The following MERTK variants were observed in gnomAD, a reference collection of about 807,000 sequenced individuals.
The protein encoded by MERTK is MER proto-oncogene, tyrosine kinase, also known as tyrosine-protein kinase Mer.
Under a neutral mutation model 99.3 loss-of-function variants are expected in MERTK, and 69 were observed. That is an observed-to-expected ratio of 0.70 (90% CI 0.57 to 0.85). The LOEUF (loss-of-function observed/expected upper bound fraction) is 0.85, where lower values mean the gene tolerates loss of function less well. Ranked by LOEUF, MERTK falls within the 40% of genes least tolerant of loss-of-function variation. The pLI is 0.00. For synonymous variants in MERTK, 426 were observed against 467.6 expected (o/e 0.91, Z 1.15); for missense variants, 1,125 against 1,249.4 (o/e 0.90, Z 1.50).
intron 8 of MERTK, among the ~76,000 whole-genome samples, chr2:111,989,886 A>G (rs1439003492): frequency 6.6e-6 from 1 of 152,250 alleles, no homozygotes; most frequent in Non-Finnish European, 1.5e-5. Flanking sequence ...TTTTATTACC[A>G]GGAAATGCTT....
intron 1 of MERTK, among the ~76,000 whole-genome samples, chr2:111,904,199 A>G (rs949214633): frequency 2.0e-4 from 31 of 152,180 alleles, no homozygotes; most frequent in African/African-American, 7.5e-4. Context: ...CAAACTTGAC[A>G]TAGTACAGGA....
chr2:112,023,840 G>A (rs1467029518), intron 18 of MERTK, among the ~76,000 whole-genome samples: 5 of 151,782 alleles, frequency 3.3e-5, no homozygotes, highest in Non-Finnish European at 7.4e-5. Context: ...GTCATGGAGT[G>A]CCATGCCTGG....
intron 4 of MERTK, among the ~76,000 whole-genome samples, chr2:111,962,557 G>A (rs1193449705): frequency 6.6e-6 from 1 of 152,050 alleles, no homozygotes; most frequent in Non-Finnish European, 1.5e-5. Context: ...AAAACACTGG[G>A]GATAATACAG....
chr2:111,946,641 C>T (rs1684966326), intron 3 of MERTK, among the ~76,000 whole-genome samples: 1 of 152,186 alleles, frequency 6.6e-6, no homozygotes, highest in South Asian at 2.1e-4. Context: ...TTCCTTATGA[C>T]CCATCTGAAA....
intron 1 of MERTK, among the ~76,000 whole-genome samples, chr2:111,925,483 A>C (rs1684546379): frequency 2.0e-5 from 3 of 150,834 alleles, no homozygotes; most frequent in Non-Finnish European, 4.4e-5. Context: ...TCGTATTTTT[A>C]GTAGAGACGG....
At chr2:112,008,524 C>T in intron 14 of MERTK, 49 bp downstream of exon 14, 1 of 1,376,710 alleles carries the variant, frequency 7.3e-7, no homozygotes, top group African/African-American at 1.4e-5. Flanking sequence ...CTCTGCTGAT[C>T]TGCTCTGTGC....
At chr2:111,905,977 A>G (rs982281351) in intron 1 of MERTK, among the ~76,000 whole-genome samples, 6 of 152,208 alleles carry the variant, frequency 3.9e-5, no homozygotes, top group African/African-American at 1.4e-4. Context: ...AAGAACATTT[A>G]TATTTGTGCT....
chr2:111,976,662 T>C (rs1676259611), intron 7 of MERTK, among the ~76,000 whole-genome samples: 1 of 152,028 alleles, frequency 6.6e-6, no homozygotes, highest in Admixed American at 6.5e-5. Flanking sequence ...TTCAAATGGA[T>C]AGGTTTAATT....
At chr2:111,978,607 C>T (rs967207517) in intron 7 of MERTK, among the ~76,000 whole-genome samples, 4 of 152,136 alleles carry the variant, frequency 2.6e-5, no homozygotes, top group Non-Finnish European at 4.4e-5. Flanking sequence ...CATGAGCCAC[C>T]GTGCCCAGCC....
At chr2:111,975,700 C>T (rs1676233053) in intron 7 of MERTK, among the ~76,000 whole-genome samples, 2 of 152,188 alleles carry the variant, frequency 1.3e-5, no homozygotes, top group Non-Finnish European at 2.9e-5. Flanking sequence ...TTTTCTTTTA[C>T]ATAGGAGATA....
Position 112,022,325 on chromosome 2 carries a change from A to C in MERTK, c.2417A>C (p.Asn806Thr). The change falls in exon 18 of 19, where the codon AAC becomes ACC. Residue 806 changes from asparagine (N) to threonine (T), a missense_variant. By Grantham distance (65) the Asn-to-Thr change is moderately conservative. Transcript: ENST00000295408. ...ATGACTCCCTATCCTGGGGTCCAGA[A>C]CCATGAGATGTATGACTATCTTCTC... ...RGMTPYPGVQ[N>T]HEMYDYLLHG... is the part of the protein sequence containing the mutation. The C allele has an allele frequency of 6.2e-7, 1 of 1,614,226 alleles. No homozygotes were observed.
intron 9 of MERTK, chr2:111,995,575 G>A (rs1676717673): frequency 3.2e-5 from 6 of 188,390 alleles, no homozygotes; most frequent in Non-Finnish European, 6.7e-5. Context: ...CGTTCTTGCA[G>A]CACATAGGCA....
chr2:111,961,826 C>G (rs1003480539), intron 4 of MERTK, among the ~76,000 whole-genome samples: 1 of 152,204 alleles, frequency 6.6e-6, no homozygotes, highest in Non-Finnish European at 1.5e-5. Flanking sequence ...TACAGCGTCT[C>G]TCAGTCACAG....
chr2:111,941,008 T>C, intron 2 of MERTK: 1 of 556,924 alleles, frequency 1.8e-6, no homozygotes, highest in South Asian at 1.6e-5. Flanking sequence ...GTTGTGGTAG[T>C]CAAGAGCCGT....
At position 112,029,315 on chromosome 2, in the gene MERTK, G is replaced by C; in HGVS notation, c.*451G>C. The C allele has an allele frequency of 1.1e-6, 1 of 949,998 alleles. No individual in the cohort carries two copies. Among genetic ancestry groups the C allele is most frequent in the South Asian group, 4.8e-5 (1 of 20,956 alleles). 58.8% of individuals were successfully genotyped at this position (949,998 alleles called of 1,614,324 possible). A position where few individuals can be genotyped will look rare whatever the true frequency, so the allele number is the denominator to read the frequency against. On this transcript the variant is annotated 3_prime_UTR_variant, in exon 19 of 19. Coordinates refer to ENST00000295408, the MANE Select transcript of MERTK (RefSeq NM_006343.3). Reference sequence around the variant, plus strand: ...AATGATTCATTCAATGTTTAAAGTTGTATAACTGATTAATTTTCTGATATG... The same window carrying C: ...AATGATTCATTCAATGTTTAAAGTTCTATAACTGATTAATTTTCTGATATG...
At chr2:111,928,863 G>GAATA (rs1684616600) in intron 1 of MERTK, among the ~76,000 whole-genome samples, 2 of 152,184 alleles carry the variant, frequency 1.3e-5, no homozygotes, top group African/African-American at 4.8e-5. Flanking sequence ...GACTTGGAAT[G>GAATA]AGTCAGTAAT....
intron 15 of MERTK, among the ~76,000 whole-genome samples, chr2:112,016,808 G>T (rs1289288208): frequency 6.6e-6 from 1 of 152,238 alleles, no homozygotes; most frequent in Non-Finnish European, 1.5e-5. Flanking sequence ...CTACACTGCT[G>T]ACTGGGTGTG....
At position 111,931,775 on chromosome 2, in the gene MERTK, C is replaced by G. The variant is rs555111452; in HGVS notation, c.482+2235C>G. Among the ~76,000 whole-genome samples the G allele has an allele frequency of 2.6e-5, 4 of 152,220 alleles. No individual in the cohort carries two copies. The South Asian group carries it at 8.3e-4, about 32-fold the overall frequency. On this transcript the variant is annotated intron_variant, in intron 2 of 18. Coordinates refer to ENST00000295408, the MANE Select transcript of MERTK (RefSeq NM_006343.3). ...GCACATTGGTCTCATTGGGTGTCAC[C>G]TAGGAGGGGAGCATAGCCCTACCTT...
At chr2:112,028,296 G>A in intron 18 of MERTK, 55 bp from the exon 19 acceptor site, 1 of 1,544,904 alleles carries the variant, frequency 6.5e-7, no homozygotes, top group Non-Finnish European at 8.9e-7. Flanking sequence ...GGCATGGATT[G>A]CACAAAGAGA....
Sources: allele counts gnomAD v4.1 joint callset (sites outside exome capture counted in the v4.1 genomes callset), GRCh38; gene constraint gnomAD v4.1.1; transcripts MANE v1.5; gene names NCBI Gene and HGNC (gene_info 2026-07-23, HGNC 2026-07-21).